The following ANKRD24 variants were observed in gnomAD, a reference collection of about 807,000 sequenced individuals.
The protein encoded by ANKRD24 is ankyrin repeat domain-containing protein 24.
In ANKRD24, 109 loss-of-function variants were observed where a neutral mutation model predicts 127.8. The ratio of observed to expected loss-of-function variants is 0.85; its 90% CI spans 0.73 to 1.00. The LOEUF (loss-of-function observed/expected upper bound fraction) is 1.00. ANKRD24 is among the 50% of genes least tolerant of loss of function. The pLI is 0.00. For missense variants in ANKRD24, 1,648 were observed against 1,570.2 expected (o/e 1.05, Z -0.84); for synonymous variants, 743 against 671.1 (o/e 1.11, Z -1.66).
chr19:4,193,789 A>T lies in ANKRD24; in HGVS notation c.37-5894A>T, dbSNP rs1275042941. Reference sequence around the variant, plus strand: ...GAGGTGGAGTTTGCAGTGAGCAGAGATCATGCCACTGTACTCCAGCCTGGG... The same window carrying T: ...GAGGTGGAGTTTGCAGTGAGCAGAGTTCATGCCACTGTACTCCAGCCTGGG... On this transcript the variant is annotated intron_variant, in intron 2 of 21. Transcript: ENST00000318934. Among the ~76,000 whole-genome samples, 3 of 132,098 alleles carry T rather than the reference A, an allele frequency of 2.3e-5. No homozygotes were observed. In the Admixed American group the frequency reaches 2.4e-4, roughly 11 times the overall value. The allele number at this position is 132,098 out of a possible 152,430, so 86.7% of individuals were successfully genotyped here.
chr19:4,216,501 C>T (rs751542047), intron 17 of ANKRD24, 49 bp from the exon 18 acceptor site: 14 of 1,563,948 alleles, frequency 9.0e-6, no homozygotes, highest in South Asian at 3.5e-5. Context: ...TGTGTCCCCA[C>T]GGTCACATCA....
At chr19:4,193,932 G>T (rs1003404277) in intron 2 of ANKRD24, among the ~76,000 whole-genome samples, 9 of 151,786 alleles carry the variant, frequency 5.9e-5, no homozygotes, top group African/African-American at 1.5e-4. Flanking sequence ...CTGGCAGAGT[G>T]GGGCTGCTCA....
At position 4,218,116 on chromosome 19, in the gene ANKRD24, G is replaced by A; in HGVS notation, c.2956G>A (p.Glu986Lys). The change falls in exon 18 of 22, where the codon GAG (glutamate) becomes AAG (lysine). Residue 986 changes from glutamate (E) to lysine (K), a missense_variant. By Grantham distance (56) the Glu-to-Lys change is moderately conservative (BLOSUM62 1). Coordinates refer to ENST00000318934, the MANE Select transcript of ANKRD24 (RefSeq NM_001393985.1). ...CGTGGCCCAGCTGGAGGGGCAGCTG[G>A]AGGAGCTGGGACGGCGGCATGAGAA... ...ANVAQLEGQL[E>K]ELGRRHEKTS... The A allele has an allele frequency of 6.5e-7, 1 of 1,542,622 alleles. No individual in the cohort carries two copies. The highest frequency in any genetic ancestry group is 8.7e-7 in the Non-Finnish European group (1 of 1,146,236).
chr19:4,198,468 C>CACCCGCG lies in ANKRD24; in HGVS notation c.37-1215_37-1214insACCCGCG, dbSNP rs1968895711. 2 of 618,628 alleles carry CACCCGCG rather than the reference C, an allele frequency of 3.2e-6. No homozygotes were observed. The highest frequency in any genetic ancestry group is 5.8e-6 in the Non-Finnish European group (2 of 344,134). The allele number at this position is 618,628 out of a possible 1,614,324, so 38.3% of individuals were successfully genotyped here. ...CGCCTCCTCTTGGAACCCCGTGCGC[C>CACCCGCG]CCCCGCGCCCCGCGCCCCGGACGCC... On this transcript the variant is annotated intron_variant, in intron 2 of 21. Transcript: ENST00000318934. The surrounding 1 kb of genome is among the most constrained non-coding windows in gnomAD (Gnocchi z 6.1).
At chr19:4,210,428 C>A in intron 13 of ANKRD24, 56 bp downstream of exon 13, 2 of 1,381,720 alleles carry the variant, frequency 1.4e-6, no homozygotes, top group Non-Finnish European at 2.0e-6. Context: ...TCAATGCAGG[C>A]ATGAAGATCC....
In ANKRD24 at chr19:4,199,252, T is replaced by C. The variant is rs539277881; in HGVS notation, c.37-431T>C. Reference sequence around the variant, plus strand: ...ACTAAGGGATGAATTGGGGGACAACTTTTTTTATTGTACAGAGTGGGTCTT... The same window carrying C: ...ACTAAGGGATGAATTGGGGGACAACCTTTTTTATTGTACAGAGTGGGTCTT... On this transcript the variant is annotated intron_variant, in intron 2 of 21. Coordinates refer to ENST00000318934, the MANE Select transcript of ANKRD24 (RefSeq NM_001393985.1). The surrounding 1 kb of genome is among the most constrained non-coding windows in gnomAD (Gnocchi z 5.2). 6.6e-6 allele frequency among the ~76,000 whole-genome samples: 1 copy of C among 152,080 alleles called. No homozygotes were observed. Among genetic ancestry groups the C allele is most frequent in the Non-Finnish European group, 1.5e-5 (1 of 68,020 alleles).
Position 4,216,660 on chromosome 19 carries a change from C to T in ANKRD24, c.1500C>T (p.Arg500=). Residue 500 remains arginine (R), a synonymous_variant, in exon 18 of 22, where the codon CGC becomes CGT. Coordinates refer to ENST00000318934, the MANE Select transcript of ANKRD24 (RefSeq NM_001393985.1). ...TCCGGGCCGAGTTTGACCAGCTACG[C>T]AGGCAGCACGCTGAGGCCCTGCAGG... The part of the protein sequence containing the change: ...DSLRAEFDQL[R]RQHAEALQAL... 6.2e-7 allele frequency: 1 copy of T among 1,600,662 alleles called. No individual in the cohort carries two copies. Among genetic ancestry groups the T allele is most frequent in the Non-Finnish European group, 8.5e-7 (1 of 1,173,780 alleles).
rs1309850153 is a variant in ANKRD24, at chr19:4,217,466, G to A, written c.2306G>A (p.Arg769His). Residue 769 changes from arginine to histidine, a missense_variant, in exon 18 of 22, where the codon CGC becomes CAC. By Grantham distance (29) the Arg-to-His change is conservative. Coordinates refer to ENST00000318934, the MANE Select transcript of ANKRD24 (RefSeq NM_001393985.1). ...AEAGRLRERV[R>H]EAEGSGASGG... ...GCAGGCCGGCTGCGAGAGCGTGTCC[G>A]CGAGGCCGAGGGCAGCGGGGCCAGC... 14 of 1,479,912 alleles carry A rather than the reference G, an allele frequency of 9.5e-6. No individual in the cohort carries two copies. Among genetic ancestry groups the A allele is most frequent in the East Asian group, 5.1e-5 (2 of 39,540 alleles). The allele number at this position is 1,479,912 out of a possible 1,614,324, so 91.7% of individuals were successfully genotyped here.
rs913523287 is a variant in ANKRD24 at position 4,202,032 on chromosome 19, A to G, written c.350A>G (p.Asn117Ser). Reference protein sequence around the residue: ...NVMSADGAGYNALHLAAKYGH... With the variant: ...NVMSADGAGYSALHLAAKYGH... ...ATCTTCTTTCCTTCCCCAGGTTACA[A>G]TGCCCTCCACCTGGCCGCCAAATAC... Residue 117 changes from asparagine (N) to serine (S), a missense_variant, in exon 6 of 22, where the codon AAT (asparagine) becomes AGT (serine). Physicochemically the swap from Asn to Ser is conservative, Grantham distance 46 (BLOSUM62 1). Transcript: ENST00000318934. The G allele has an allele frequency of 5.0e-6, 8 of 1,613,800 alleles. No homozygotes were observed. The highest frequency in any genetic ancestry group is 6.8e-6 in the Non-Finnish European group (8 of 1,179,788).
intron 19 of ANKRD24, among the ~76,000 whole-genome samples, 171 bp downstream of exon 19, chr19:4,219,929 GAC>G (rs1234880530): frequency 6.6e-6 from 1 of 152,248 alleles, no homozygotes; most frequent in African/African-American, 2.4e-5. Context: ...TGACAAGTCA[GAC>G]ACACACAGGC....
intron 2 of ANKRD24, among the ~76,000 whole-genome samples, chr19:4,186,755 G>A (rs920854476): frequency 2.0e-5 from 3 of 151,950 alleles, no homozygotes; most frequent in Admixed American, 2.0e-4. Flanking sequence ...TCCAATCTCC[G>A]CTCTCCCCGG....
intron 18 of ANKRD24, among the ~76,000 whole-genome samples, chr19:4,219,122 C>T (rs934591153): frequency 6.6e-6 from 1 of 152,002 alleles, no homozygotes; most frequent in Non-Finnish European, 1.5e-5. Context: ...CCCGTCTCTA[C>T]TAAAAATACA....
chr19:4,191,896 C>T, intron 2 of ANKRD24, among the ~76,000 whole-genome samples: 1 of 152,018 alleles, frequency 6.6e-6, no homozygotes, highest in Non-Finnish European at 1.5e-5. Flanking sequence ...ATTCTCCTGC[C>T]TCAGCCTCCC....
intron 20 of ANKRD24, among the ~76,000 whole-genome samples, chr19:4,223,401 ATTT>A (rs1173862080): frequency 0.029 from 1,548 of 52,786 alleles, 5 homozygotes; most frequent in South Asian, 0.049. Context: ...ATATATATAT[ATTT>A]TTTTTTTTTT....
chr19:4,195,194 T>A lies in ANKRD24; in HGVS notation c.37-4489T>A, dbSNP rs1968642747. Among the ~76,000 whole-genome samples, 1 of 152,048 alleles carries A rather than the reference T, an allele frequency of 6.6e-6. No individual in the cohort carries two copies. The highest frequency in any genetic ancestry group is 1.5e-5 in the Non-Finnish European group (1 of 68,014). Reference sequence around the variant, plus strand: ...TGCACGCCATTCTCCTGCCTCAGTCTCCCGAGTAGCTGGGACTACAGGCGC... The same window carrying A: ...TGCACGCCATTCTCCTGCCTCAGTCACCCGAGTAGCTGGGACTACAGGCGC... On this transcript the variant is annotated intron_variant, in intron 2 of 21. Coordinates refer to ENST00000318934, the MANE Select transcript of ANKRD24 (RefSeq NM_001393985.1). This position sits in a 1 kb window ranked among gnomAD's most constrained non-coding sequence, Gnocchi z 4.2.
chr19:4,192,350 T>C (rs1053145961), intron 2 of ANKRD24, among the ~76,000 whole-genome samples: 9 of 151,630 alleles, frequency 5.9e-5, no homozygotes, highest in Admixed American at 5.3e-4. Context: ...CTTTTTTCTT[T>C]TTATATTTTT....
chr19:4,213,361 CCTT>C (rs990327841), intron 15 of ANKRD24, among the ~76,000 whole-genome samples: 3 of 148,952 alleles, frequency 2.0e-5, no homozygotes, highest in African/African-American at 7.4e-5. Context: ...GTTTTCCTTC[CCTT>C]CTTTCTTCCT....
At position 4,216,913 on chromosome 19, in the gene ANKRD24, G is replaced by GGCCACGGGAGCCA. The variant is rs1555718872; in HGVS notation, c.1753_1754insGCCACGGGAGCCA (p.Glu585GlyfsTer10). 7.5e-6 allele frequency: 12 copies of GGCCACGGGAGCCA among 1,609,924 alleles called. No individual in the cohort carries two copies. Among genetic ancestry groups the GGCCACGGGAGCCA allele is most frequent in the East Asian group, 4.5e-5 (2 of 44,794 alleles). ...TATGGAAGCTGAGGCCACGGGAGCC[G>GGCCACGGGAGCCA]AGGCCACGGGAGCTGAGGCCACAGG... On this transcript the variant is annotated frameshift_variant, in exon 18 of 22. Transcript: ENST00000318934. LOFTEE classifies it high-confidence loss of function.
At chr19:4,206,147 ATAAAT>A (rs1035885346) in intron 7 of ANKRD24, among the ~76,000 whole-genome samples, 1 of 13,048 alleles carries the variant, frequency 7.7e-5, no homozygotes, top group Non-Finnish European at 2.1e-4. Context: ...CGTCTCAAAA[ATAAAT>A]AAATAAATAA....
Sources: allele counts gnomAD v4.1 joint callset (sites outside exome capture counted in the v4.1 genomes callset), GRCh38; gene constraint gnomAD v4.1.1; non-coding constraint Gnocchi (gnomAD v3.1); transcripts MANE v1.5; gene names NCBI Gene and HGNC (gene_info 2026-07-23, HGNC 2026-07-21).